The following RASA1 variants were observed in gnomAD, a reference collection of about 807,000 sequenced individuals.
The protein encoded by RASA1 is ras GTPase-activating protein 1.
RASA1 carries 25 observed loss-of-function variants against 132.2 expected under a neutral mutation model. The ratio of observed to expected loss-of-function variants is 0.19; its 90% CI spans 0.14 to 0.26. The LOEUF (loss-of-function observed/expected upper bound fraction) is 0.26, where lower values mean the gene tolerates loss of function less well. Among genes scored for constraint, RASA1 ranks in the 10% least tolerant of loss-of-function variants. The pLI is 1.00. For missense variants in RASA1, 964 were observed against 1,299.2 expected, an observed-to-expected ratio of 0.74 and a Z score of 3.97; for synonymous variants, 477 against 449.9, an observed-to-expected ratio of 1.06 and a Z score of -0.76.
rs376100899 is a variant in RASA1 at position 87,304,470 on chromosome 5, CT to C, written c.540-26863del. Among the ~76,000 whole-genome samples, 653 of 143,546 alleles carry C rather than the reference CT, an allele frequency of 4.5e-3. 1 individual carries two copies. The highest frequency in any genetic ancestry group is 9.6e-3 in the African/African-American group (378 of 39,448). 94.2% of individuals were successfully genotyped at this position (143,546 alleles called of 152,430 possible). ...TATTGCTCTGCATGTTTATTATACA[CT>C]TTTTTTTTTTTTTTGACATGGAGTC... On this transcript the variant is annotated intron_variant, in intron 1 of 24. Transcript: ENST00000274376.
chr5:87,297,336 ATACATGATGTAC>A lies in RASA1; in HGVS notation c.539+28349_539+28360del, dbSNP rs573827824. Among the ~76,000 whole-genome samples the A allele has an allele frequency of 4.2e-3, 640 of 152,302 alleles. 7 individuals are homozygous for A. Among genetic ancestry groups the A allele is most frequent in the African/African-American group, 0.015 (609 of 41,574 alleles). ...GTCTTGTAATTTTTTATTGAAAGGT[ATACATGATGTAC>A]TAGGTAAAAGGAACTGCTGCAAATA... On this transcript the variant is annotated intron_variant, in intron 1 of 24. Transcript: ENST00000274376.
At chr5:87,295,999 T>C (rs555110236) in intron 1 of RASA1, among the ~76,000 whole-genome samples, 39 of 152,230 alleles carry the variant, frequency 2.6e-4, no homozygotes, top group African/African-American at 8.9e-4. Context: ...GTGTTTTTAG[T>C]AGAGATGGAG....
chr5:87,315,550 T>TC (rs962463794), intron 1 of RASA1, among the ~76,000 whole-genome samples: 2 of 152,186 alleles, frequency 1.3e-5, no homozygotes, highest in African/African-American at 4.8e-5. Flanking sequence ...CATAGCAGCT[T>TC]CCTTTTAAAA....
At position 87,348,057 on chromosome 5, in the gene RASA1, A is replaced by G. The variant is rs529396790; in HGVS notation, c.1103-1157A>G. ...ATGCACAGTCTTGCATGAAATTCCT[A>G]TCATATTCTAGAAGAAATTTAGAGA... On this transcript the variant is annotated intron_variant, in intron 7 of 24. Coordinates refer to ENST00000274376, the MANE Select transcript of RASA1 (RefSeq NM_002890.3). 8.5e-5 allele frequency among the ~76,000 whole-genome samples: 13 copies of G among 152,108 alleles called. No homozygotes were observed. In the South Asian group the frequency reaches 2.3e-3, roughly 27 times the overall value.
At chr5:87,331,982 G>A (rs1056903426) in intron 2 of RASA1, among the ~76,000 whole-genome samples, 2 of 151,870 alleles carry the variant, frequency 1.3e-5, no homozygotes, top group South Asian at 2.1e-4. Context: ...ATATTGTATT[G>A]TTTCATTTTT....
chr5:87,294,301 C>A (rs1248814874), intron 1 of RASA1: 2 of 152,262 alleles, frequency 1.3e-5, no homozygotes, highest in East Asian at 1.9e-4. Context: ...GGGTGGTTCA[C>A]CCCTCCTTAG....
intron 22 of RASA1, among the ~76,000 whole-genome samples, chr5:87,385,985 T>C (rs1395701415): frequency 1.3e-5 from 2 of 152,102 alleles, no homozygotes; most frequent in Non-Finnish European, 2.9e-5. Context: ...AGCTGAACTT[T>C]GGAGTAAAAT....
chr5:87,270,746 C>G (rs1304015813), intron 1 of RASA1, among the ~76,000 whole-genome samples: 2 of 139,858 alleles, frequency 1.4e-5, no homozygotes, highest in African/African-American at 2.7e-5. Context: ...TTCTGTTACC[C>G]TAATCCATTT....
intron 1 of RASA1, among the ~76,000 whole-genome samples, chr5:87,293,654 C>CT (rs1754998870): frequency 6.6e-6 from 1 of 152,172 alleles, no homozygotes; most frequent in South Asian, 2.1e-4. Context: ...AATTGGTATT[C>CT]TTTTCTTTAT....
chr5:87,289,879 G>A (rs985087294), intron 1 of RASA1, among the ~76,000 whole-genome samples: 2 of 151,960 alleles, frequency 1.3e-5, no homozygotes, highest in Non-Finnish European at 2.9e-5. Context: ...AAAGTGCTGG[G>A]ATCACAGGCA....
At chr5:87,332,663 A>C in intron 3 of RASA1, 21 bp downstream of exon 3, 13 of 1,597,522 alleles carry the variant, frequency 8.1e-6, no homozygotes, top group Non-Finnish European at 1.1e-5. Context: ...TGAATAAAAT[A>C]TCTTTCAAAA....
intron 1 of RASA1, among the ~76,000 whole-genome samples, chr5:87,315,053 AAG>A (rs1245525746): frequency 2.0e-5 from 3 of 152,216 alleles, no homozygotes; most frequent in African/African-American, 4.8e-5. Flanking sequence ...GTAAAGTATA[AAG>A]AGTTTTATAT....
At chr5:87,292,693 T>C (rs1754960482) in intron 1 of RASA1, among the ~76,000 whole-genome samples, 1 of 152,166 alleles carries the variant, frequency 6.6e-6, no homozygotes, top group African/African-American at 2.4e-5. Context: ...ACAAAATAAT[T>C]GCTGGGATAT....
At chr5:87,384,652 A>G (rs1436202713) in intron 21 of RASA1, among the ~76,000 whole-genome samples, 2 of 152,120 alleles carry the variant, frequency 1.3e-5, no homozygotes, top group Non-Finnish European at 2.9e-5. Context: ...AGTCAGGTAG[A>G]TTATTTATGG....
chr5:87,301,365 A>G (rs531337135), intron 1 of RASA1, among the ~76,000 whole-genome samples: 3 of 152,238 alleles, frequency 2.0e-5, no homozygotes, highest in South Asian at 2.1e-4. Context: ...TATAACACAT[A>G]TAAAGCATAG....
chr5:87,390,907 A>G lies in RASA1; in HGVS notation c.*24A>G. On this transcript the variant is annotated 3_prime_UTR_variant, in exon 25 of 25. Coordinates refer to ENST00000274376, the MANE Select transcript of RASA1 (RefSeq NM_002890.3). ...AGCAGCCTTCGCCCCAGTGTTCTGC[A>G]TGGATTCAGCATGTCCAACATGGTA... 1 of 1,579,490 alleles carries G rather than the reference A, an allele frequency of 6.3e-7. No individual in the cohort carries two copies. Among genetic ancestry groups the G allele is most frequent in the South Asian group, 1.1e-5 (1 of 90,336 alleles).
intron 1 of RASA1, among the ~76,000 whole-genome samples, chr5:87,274,480 C>T (rs1366494828): frequency 6.6e-6 from 1 of 152,004 alleles, no homozygotes; most frequent in South Asian, 2.1e-4. Context: ...AGATTAGTTA[C>T]GGACAATGAT....
At position 87,268,940 on chromosome 5, in the gene RASA1, A is replaced by G; in HGVS notation, c.489A>G (p.Glu163=). The change falls in exon 1 of 25, where the codon GAA becomes GAG. Residue 163 remains glutamate, a synonymous_variant. Transcript: ENST00000274376. ...VDEGDSLDGP[E]YEEEEVAIPL... ...AAGGTGACTCTCTGGATGGACCAGA[A>G]TACGAGGAGGAAGAGGTGGCCATAC... 6.2e-7 allele frequency: 1 copy of G among 1,614,206 alleles called. No individual in the cohort carries two copies. Among genetic ancestry groups the G allele is most frequent in the Non-Finnish European group, 8.5e-7 (1 of 1,180,040 alleles).
intron 12 of RASA1, among the ~76,000 whole-genome samples, chr5:87,371,075 CAG>C: frequency 6.6e-6 from 1 of 152,042 alleles, no homozygotes; most frequent in Admixed American, 6.6e-5. Context: ...ATTTAAACTT[CAG>C]TATCCTATTT....
Sources: gnomAD v4.1 joint callset for allele counts (sites outside exome capture counted in the v4.1 genomes callset) on GRCh38, gnomAD v4.1.1 for gene constraint, MANE v1.5 for transcripts, NCBI Gene and HGNC (gene_info 2026-07-23, HGNC 2026-07-21) for gene names.